Variants in TSC2 observed in about 807,000 individuals in gnomAD.
The protein encoded by TSC2 is TSC complex subunit 2.
TSC2 carries 29 observed loss-of-function variants against 202.2 expected under a neutral mutation model. That is an observed-to-expected ratio of 0.14 (90% CI 0.11 to 0.20). TSC2 has a LOEUF of 0.20. Ranked by LOEUF, TSC2 falls within the 10% of genes least tolerant of loss-of-function variation. The pLI is 1.00. For missense variants in TSC2, 2,429 were observed against 2,420.0 expected (o/e 1.00, Z -0.08); for synonymous variants, 1,349 against 1,044.0 (o/e 1.29, Z -5.63).
Position 2,088,217 on chromosome 16 carries a change from A to T in TSC2, c.5161-10A>T, listed in dbSNP as rs1800718. ...CTGATAGTGAGCTCACCCCCTGCCT[A>T]CGTCCCCAGATGGCCTCACAGGTGC... is the stretch of plus-strand genomic sequence containing the variant. On this transcript the variant is annotated splice_polypyrimidine_tract_variant and intron_variant, in intron 40 of 41. Transcript: ENST00000219476. 6.2e-7 allele frequency: 1 copy of T among 1,612,836 alleles called. No homozygotes were observed. Among genetic ancestry groups the T allele is most frequent in the Non-Finnish European group, 8.5e-7 (1 of 1,179,914 alleles).
chr16:2,054,095 G>A (rs2085471243), intron 4 of TSC2: 8 of 745,282 alleles, frequency 1.1e-5, no homozygotes, highest in South Asian at 1.8e-5. Flanking sequence ...CTCCCCATAC[G>A]CCGCTCTGCG....
At chr16:2,076,724 C>A in intron 25 of TSC2, 139 bp downstream of exon 25, 2 of 871,926 alleles carry the variant, frequency 2.3e-6, no homozygotes, top group Non-Finnish European at 3.6e-6. Flanking sequence ...AGGGCAGGAC[C>A]TGCAAGGGCC....
At chr16:2,085,768 C>T (rs1596432568) in intron 36 of TSC2, among the ~76,000 whole-genome samples, 2 of 152,340 alleles carry the variant, frequency 1.3e-5, no homozygotes, top group East Asian at 3.9e-4. Context: ...GCCCTATAGG[C>T]TGCACCTTCA....
chr16:2,081,545 G>T, intron 30 of TSC2, 50 bp from the exon 31 acceptor site: 1 of 1,610,522 alleles, frequency 6.2e-7, no homozygotes, highest in Non-Finnish European at 8.5e-7. Flanking sequence ...GGCCAGAGAT[G>T]GGTAAGGGGA....
chr16:2,080,924 GAC>G (rs538830729), intron 30 of TSC2: 32 of 168,098 alleles, frequency 1.9e-4, no homozygotes, highest in Non-Finnish European at 3.8e-4. Context: ...GCAAGTCCGA[GAC>G]CAAGGTGCTC....
chr16:2,086,182 T>C lies in TSC2; in HGVS notation c.4663-11T>C, dbSNP rs2151568745. ...GAGTGATGCCACCCTGCCTCTCCCC[T>C]CTCCCCACAGAGCAACAGCGAGCTC... On this transcript the variant is annotated splice_polypyrimidine_tract_variant and intron_variant, in intron 36 of 41. Transcript: ENST00000219476. 6.2e-7 allele frequency: 1 copy of C among 1,611,364 alleles called. No individual in the cohort carries two copies.
rs753922923 is a variant in TSC2 at position 2,054,331 on chromosome 16, T to G, written c.372T>G (p.Phe124Leu). Residue 124 changes from phenylalanine (F) to leucine (L), a missense_variant, in exon 5 of 42, where the codon TTT (phenylalanine) becomes TTG (leucine). Transcript: ENST00000219476. ...TGGGGGTCCTCAGAGCCCTCTTCTT[T>G]AAGGTCATCAAGGATTACCCTTCCA... ...ERLGVLRALF[F>L]KVIKDYPSNE... 3 of 1,614,190 alleles carry G rather than the reference T, an allele frequency of 1.9e-6. No individual in the cohort carries two copies. The South Asian group carries it at 3.3e-5, about 18-fold the overall frequency.
intron 15 of TSC2, 36 bp from the exon 16 acceptor site, chr16:2,065,483 T>A (rs777632193): frequency 1.3e-6 from 2 of 1,513,072 alleles, no homozygotes; most frequent in Non-Finnish European, 1.8e-6. Context: ...CTCAGAACCA[T>A]GAGCCTGTGT....
In TSC2 at chr16:2,062,079, C is replaced by T. The variant is rs558628713; in HGVS notation, c.1257+71C>T. 1,345 of 1,601,516 alleles carry T rather than the reference C, an allele frequency of 8.4e-4. 1 individual carries two copies. The highest frequency in any genetic ancestry group is 1.1e-3 in the Non-Finnish European group (1,292 of 1,173,556). On this transcript the variant is annotated intron_variant, in intron 12 of 41. Transcript: ENST00000219476. ...GAGGGGCCGGGTGCTGGGTGAAGTGCAGCTTTCTGAGCCTCAGAAGCCAAG... is the reference window on the plus strand; with the variant it reads ...GAGGGGCCGGGTGCTGGGTGAAGTGTAGCTTTCTGAGCCTCAGAAGCCAAG...
chr16:2,073,304 C>G (rs2088773321), intron 21 of TSC2, among the ~76,000 whole-genome samples: 1 of 152,222 alleles, frequency 6.6e-6, no homozygotes, highest in Non-Finnish European at 1.5e-5. Context: ...TGGAGCTGGG[C>G]TGGTTCTGAG....
chr16:2,079,405 G>A lies in TSC2; in HGVS notation c.3261G>A (p.Glu1087=), dbSNP rs45438093. ...CGTTACTAGGCCTGGACTCGGGGGA[G>A]CTGCAGTCCGGCCCGGAGTCGAGGT... ...TRSLLGLDSG[E]LQSGPESSSS... Residue 1087 remains glutamate, a synonymous_variant, in exon 28 of 42, where the codon GAG becomes GAA. Transcript: ENST00000219476. The surrounding 1 kb of genome is among the most constrained non-coding windows in gnomAD (Gnocchi z 4.6). 1.2e-6 allele frequency: 2 copies of A among 1,612,784 alleles called. No individual in the cohort carries two copies. Among genetic ancestry groups the A allele is most frequent in the Non-Finnish European group, 1.7e-6 (2 of 1,180,018 alleles).
intron 16 of TSC2, 100 bp downstream of exon 16, chr16:2,065,735 A>G: frequency 9.3e-7 from 1 of 1,078,406 alleles, no homozygotes; most frequent in Non-Finnish European, 1.4e-6. Context: ...AGCGGGACCC[A>G]CACCCTCCCT....
At chr16:2,065,468 G>C (rs2087211328) in intron 15 of TSC2, 51 bp from the exon 16 acceptor site, 2 of 1,377,218 alleles carry the variant, frequency 1.5e-6, no homozygotes, top group Non-Finnish European at 2.1e-6. Flanking sequence ...TCTCACGGCT[G>C]CTGACTCAGA....
Position 2,071,502 on chromosome 16 carries a change from C to A in TSC2, c.1840-8C>A, listed in dbSNP as rs778905320. ...TGGCTCTGGCTTTCACCATCCTCTT[C>A]CTGACAGGCCTTTGACTTCCTGTTG... On this transcript the variant is annotated splice_polypyrimidine_tract_variant and splice_region_variant and intron_variant, in intron 17 of 41. Coordinates refer to ENST00000219476, the MANE Select transcript of TSC2 (RefSeq NM_000548.5). 1 of 1,613,554 alleles carries A rather than the reference C, an allele frequency of 6.2e-7. No individual in the cohort carries two copies. The highest frequency in any genetic ancestry group is 8.5e-7 in the Non-Finnish European group (1 of 1,179,996).
At chr16:2,088,025 G>C (rs369756111) in intron 39 of TSC2, 23 bp from the exon 40 acceptor site, 1 of 1,612,872 alleles carries the variant, frequency 6.2e-7, no homozygotes, top group South Asian at 1.1e-5. Flanking sequence ...CCTGGGCCTG[G>C]CGTGACCACC....
chr16:2,077,778 G>C, intron 26 of TSC2, 52 bp downstream of exon 26: 1 of 1,605,540 alleles, frequency 6.2e-7, no homozygotes, highest in Non-Finnish European at 8.5e-7. Context: ...GGCCCCGTGA[G>C]CACCTGGGTG....
At chr16:2,063,136 A>G in intron 14 of TSC2, 83 bp downstream of exon 14, 1 of 1,494,982 alleles carries the variant, frequency 6.7e-7, no homozygotes, top group Admixed American at 2.0e-5. Flanking sequence ...GTGCTCCCGC[A>G]GAGCCGGGCT....
In TSC2 at chr16:2,080,165, G is replaced by A. The variant is rs1208166840; in HGVS notation, c.3398G>A (p.Gly1133Glu). ...ACCAGTCCTCTGCCCTCTTCTTCAGGGGGCCATGGTCTTCGAGTTGGCGCC... is the reference window on the plus strand; with the variant it reads ...ACCAGTCCTCTGCCCTCTTCTTCAGAGGGCCATGGTCTTCGAGTTGGCGCC... ...GARDRVRSMS[G>E]GHGLRVGALD... Residue 1133 changes from glycine (G) to glutamate (E), a missense_variant and splice_region_variant, in exon 30 of 42, where the codon GGG (glycine) becomes GAG (glutamate). Physicochemically the swap from Gly to Glu is moderately conservative, Grantham distance 98 (BLOSUM62 -2). Coordinates refer to ENST00000219476, the MANE Select transcript of TSC2 (RefSeq NM_000548.5). 1.2e-6 allele frequency: 2 copies of A among 1,612,894 alleles called. No individual in the cohort carries two copies. Among genetic ancestry groups the A allele is most frequent in the Non-Finnish European group, 1.7e-6 (2 of 1,179,974 alleles).
At chr16:2,077,809 C>T (rs1443495548) in intron 26 of TSC2, 83 bp downstream of exon 26, 33 of 1,593,752 alleles carry the variant, frequency 2.1e-5, no homozygotes, top group Non-Finnish European at 2.7e-5. Context: ...GGGCTGCTTG[C>T]ATGACCTCAT....
Sources: gnomAD v4.1 joint callset for allele counts (sites outside exome capture counted in the v4.1 genomes callset) on GRCh38, gnomAD v4.1.1 for gene constraint, Gnocchi (gnomAD v3.1) non-coding constraint, MANE v1.5 for transcripts, NCBI Gene and HGNC (gene_info 2026-07-23, HGNC 2026-07-21) for gene names.